DPYSL5: variants seen among roughly 807,000 people sequenced by gnomAD.
DPYSL5 encodes dihydropyrimidinase-related protein 5.
DPYSL5 carries 9 observed loss-of-function variants against 58.4 expected under a neutral mutation model. That is an observed-to-expected ratio of 0.15 (90% CI 0.09 to 0.27). The LOEUF is 0.27. Ranked by LOEUF, DPYSL5 falls within the 10% of genes least tolerant of loss-of-function variation. DPYSL5 has a pLI of 1.00. For synonymous variants in DPYSL5, 293 were observed against 301.9 expected (o/e 0.97, Z 0.31); for missense variants, 499 against 770.6 (o/e 0.65, Z 4.17).
At chr2:26,930,689 C>T (rs113389888) in intron 5 of DPYSL5, among the ~76,000 whole-genome samples, 2,975 of 151,890 alleles carry the variant, frequency 0.02, 70 homozygotes, top group African/African-American at 0.061. Context: ...ATTAGCCAAG[C>T]ATGGGCCGGG....
intron 1 of DPYSL5, among the ~76,000 whole-genome samples, chr2:26,882,567 C>T (rs890792836): frequency 1.3e-5 from 2 of 152,066 alleles, no homozygotes; most frequent in African/African-American, 2.4e-5. Flanking sequence ...AGATTACAGG[C>T]ATAAGCACCA....
rs1206825100 is a variant in DPYSL5, at chr2:26,931,624, C to A, written c.670-16C>A. 1.2e-6 allele frequency: 2 copies of A among 1,613,782 alleles called. No individual in the cohort carries two copies. The highest frequency in any genetic ancestry group is 2.2e-5 in the East Asian group (1 of 44,862). On this transcript the variant is annotated splice_polypyrimidine_tract_variant and intron_variant, in intron 5 of 12. Coordinates refer to ENST00000288699, the MANE Select transcript of DPYSL5 (RefSeq NM_020134.4). ...ATGGTGAAGTTTGGTTTCCTCCTGT[C>A]CTTTGTTTCTAACAGCTGGAAGCTG...
chr2:26,906,171 GA>G (rs532591877), intron 2 of DPYSL5, among the ~76,000 whole-genome samples: 5 of 146,050 alleles, frequency 3.4e-5, no homozygotes, highest in Admixed American at 7.2e-5. Context: ...CTTTCACCAA[GA>G]AAAAAACCCA....
intron 2 of DPYSL5, among the ~76,000 whole-genome samples, chr2:26,911,563 T>TAATTTAAAGTAAATTACA (rs1664442698): frequency 6.6e-6 from 1 of 152,244 alleles, no homozygotes; most frequent in African/African-American, 2.4e-5. Context: ...CATCCATGTC[T>TAATTTAAAGTAAATTACA]AATTTAAAGT....
chr2:26,876,560 G>A (rs559223480), intron 1 of DPYSL5, among the ~76,000 whole-genome samples: 2 of 152,314 alleles, frequency 1.3e-5, no homozygotes, highest in South Asian at 2.1e-4. Flanking sequence ...TCGTCACCCA[G>A]GCTGGAGCGC....
intron 1 of DPYSL5, among the ~76,000 whole-genome samples, chr2:26,857,477 T>G (rs1486228402): frequency 1.3e-5 from 2 of 152,074 alleles, no homozygotes; most frequent in Non-Finnish European, 1.5e-5. Context: ...GAGGTGGAGT[T>G]TGCAGTGAGC....
intron 1 of DPYSL5, among the ~76,000 whole-genome samples, chr2:26,852,664 G>A (rs1210883278): frequency 6.6e-6 from 1 of 152,182 alleles, no homozygotes; most frequent in African/African-American, 2.4e-5. Context: ...GAAAGCCTGG[G>A]TTCAGATTTC....
chr2:26,894,621 TC>T lies in DPYSL5; in HGVS notation c.-4-3872del, dbSNP rs566160661. Among the ~76,000 whole-genome samples, 484 of 152,322 alleles carry T rather than the reference TC, an allele frequency of 3.2e-3. 5 individuals are homozygous for T. Among genetic ancestry groups the T allele is most frequent in the African/African-American group, 0.011 (472 of 41,574 alleles). The stretch of plus-strand genomic sequence containing the variant: ...CTTCGGGAGCTCACATCAAAAATAG[TC>T]CCTTGATCTCTTAGACCTTTAATCT... On this transcript the variant is annotated intron_variant, in intron 1 of 12. Transcript: ENST00000288699.
chr2:26,930,010 G>A (rs1307074510), intron 5 of DPYSL5, among the ~76,000 whole-genome samples: 2 of 152,226 alleles, frequency 1.3e-5, no homozygotes, highest in Non-Finnish European at 2.9e-5. Context: ...AGGCCTCGAG[G>A]GACAAGGAGC....
chr2:26,882,429 CTGTGTGTG>C (rs145178218), intron 1 of DPYSL5, among the ~76,000 whole-genome samples: 26 of 146,302 alleles, frequency 1.8e-4, no homozygotes, highest in South Asian at 6.7e-4. Context: ...GTGTGTGTGT[CTGTGTGTG>C]TGTGTGTGTG....
chr2:26,894,496 T>C (rs1020609806), intron 1 of DPYSL5, among the ~76,000 whole-genome samples: 5 of 152,208 alleles, frequency 3.3e-5, no homozygotes, highest in African/African-American at 1.2e-4. Flanking sequence ...ACAGGATTGT[T>C]GGAGGGATCT....
intron 5 of DPYSL5, among the ~76,000 whole-genome samples, chr2:26,931,203 G>GTGTGTA (rs1474347605): frequency 8.7e-4 from 39 of 44,932 alleles, no homozygotes; most frequent in African/African-American, 2.9e-3. Context: ...GTGTGTGTGT[G>GTGTGTA]TATATATATA....
rs1420458098 is a variant in DPYSL5, at chr2:26,933,634, C to G, written c.790+301C>G. On this transcript the variant is annotated intron_variant, in intron 7 of 12. Transcript: ENST00000288699. This position sits in a 1 kb window ranked among gnomAD's most constrained non-coding sequence, Gnocchi z 4.2. ...TTTAAACCCACTCATTAATTAGTGTCTTTTTGGCCTCATAGATTTTACTAG... is the reference window on the plus strand; with the variant it reads ...TTTAAACCCACTCATTAATTAGTGTGTTTTTGGCCTCATAGATTTTACTAG... 6.6e-6 allele frequency among the ~76,000 whole-genome samples: 1 copy of G among 152,198 alleles called. No individual in the cohort carries two copies. Among genetic ancestry groups the G allele is most frequent in the Non-Finnish European group, 1.5e-5 (1 of 68,044 alleles).
intron 1 of DPYSL5, among the ~76,000 whole-genome samples, chr2:26,885,806 C>T (rs564796513): frequency 6.6e-6 from 1 of 152,216 alleles, no homozygotes; most frequent in Non-Finnish European, 1.5e-5. Flanking sequence ...CCCTTCTGCT[C>T]TCCTCAGTTC....
At chr2:26,894,081 A>G (rs1663954917) in intron 1 of DPYSL5, among the ~76,000 whole-genome samples, 1 of 149,174 alleles carries the variant, frequency 6.7e-6, no homozygotes, top group East Asian at 1.9e-4. Context: ...TTATATAATT[A>G]TAATTCATAT....
intron 2 of DPYSL5, among the ~76,000 whole-genome samples, chr2:26,918,059 C>T (rs1043729528): frequency 1.4e-5 from 2 of 142,498 alleles, no homozygotes; most frequent in Admixed American, 7.6e-5. Flanking sequence ...ATCTCTTGAA[C>T]CTGGGAGGCG....
At position 26,942,959 on chromosome 2, in the gene DPYSL5, C is replaced by T. The variant is rs1665364774; in HGVS notation, c.1440+209C>T. ...ATTTCTGTTCCCCGTCTTTGATTAC[C>T]AAGTGGCATTTTAAGTGGTCAGGCA... On this transcript the variant is annotated intron_variant, in intron 11 of 12. Transcript: ENST00000288699. This position sits in a 1 kb window ranked among gnomAD's most constrained non-coding sequence, Gnocchi z 5.9. Among the ~76,000 whole-genome samples the T allele has an allele frequency of 6.6e-6, 1 of 152,206 alleles. No individual in the cohort carries two copies. Among genetic ancestry groups the T allele is most frequent in the Non-Finnish European group, 1.5e-5 (1 of 68,040 alleles).
At chr2:26,851,602 G>A (rs1176603688) in intron 1 of DPYSL5, among the ~76,000 whole-genome samples, 4 of 152,206 alleles carry the variant, frequency 2.6e-5, no homozygotes, top group East Asian at 1.9e-4. Flanking sequence ...AGCTCCACGG[G>A]ACTATAAGCC....
At chr2:26,860,136 T>A (rs554473217) in intron 1 of DPYSL5, among the ~76,000 whole-genome samples, 1 of 152,190 alleles carries the variant, frequency 6.6e-6, no homozygotes, top group Non-Finnish European at 1.5e-5. Context: ...AAACGTGCAC[T>A]GAGTCTGGTG....
Sources: gnomAD v4.1 joint callset for allele counts (sites outside exome capture counted in the v4.1 genomes callset) on GRCh38, gnomAD v4.1.1 for gene constraint, Gnocchi (gnomAD v3.1) non-coding constraint, MANE v1.5 for transcripts, NCBI Gene and HGNC (gene_info 2026-07-23, HGNC 2026-07-21) for gene names.